GRIN3A: variants seen among roughly 807,000 people sequenced by gnomAD.
GRIN3A encodes the protein glutamate ionotropic receptor NMDA type subunit 3A, also known as glutamate receptor ionotropic, NMDA 3A.
GRIN3A carries 47 observed loss-of-function variants against 92.4 expected under a neutral mutation model. The observed-to-expected ratio is 0.51, with a 90% CI of 0.40 to 0.65. GRIN3A has a LOEUF of 0.65. GRIN3A is among the 30% of genes least tolerant of loss of function. The probability of loss-of-function intolerance (pLI) is 0.00; values close to 1 mark genes in which losing one functional copy is unlikely to be tolerated. For synonymous variants in GRIN3A, 527 were observed against 540.6 expected (o/e 0.97, Z 0.35); for missense variants, 1,324 against 1,393.1 (o/e 0.95, Z 0.79).
At chr9:101,660,076 C>A (rs12351398) in intron 3 of GRIN3A, among the ~76,000 whole-genome samples, 29,134 of 151,552 alleles carry the variant, frequency 0.19, 3,127 homozygotes, top group Non-Finnish European at 0.25. Context: ...TACTGTGTGT[C>A]TGATCCATAT....
chr9:101,704,711 T>C (rs1352492046), intron 1 of GRIN3A, among the ~76,000 whole-genome samples: 2 of 152,218 alleles, frequency 1.3e-5, no homozygotes, highest in Non-Finnish European at 2.9e-5. Context: ...AATTATAGGC[T>C]GATAGAAGTG....
chr9:101,737,460 T>C lies in GRIN3A; in HGVS notation c.520A>G (p.Ser174Gly), dbSNP rs778827283. 2 of 1,614,180 alleles carry C rather than the reference T, an allele frequency of 1.2e-6. No individual in the cohort carries two copies. Among genetic ancestry groups the C allele is most frequent in the Admixed American group, 3.3e-5 (2 of 60,022 alleles). Reference protein sequence around the residue: ...LPFSSPSSPWSSDPFSFLQSV... With the variant: ...LPFSSPSSPWGSDPFSFLQSV... ...TGCAGGAAGGAGAAAGGGTCACTGC[T>C]CCATGGCGAACTAGGGGAGGAGAAG... Residue 174 changes from serine (S) to glycine (G), a missense_variant, in exon 1 of 9, where the codon AGC becomes GGC. Transcript: ENST00000361820.
chr9:101,694,794 G>A (rs748558628), intron 1 of GRIN3A, among the ~76,000 whole-genome samples: 2 of 152,150 alleles, frequency 1.3e-5, no homozygotes, highest in Non-Finnish European at 2.9e-5. Context: ...GTCTGTTCAG[G>A]CAAGATGTTC....
chr9:101,578,350 C>A (rs1827851960), intron 7 of GRIN3A, among the ~76,000 whole-genome samples: 1 of 151,586 alleles, frequency 6.6e-6, no homozygotes, highest in South Asian at 2.1e-4. Flanking sequence ...ATGATAGTAA[C>A]CTATCTAGAA....
At chr9:101,707,576 C>T (rs1459561944) in intron 1 of GRIN3A, among the ~76,000 whole-genome samples, 3 of 152,164 alleles carry the variant, frequency 2.0e-5, no homozygotes, top group African/African-American at 7.2e-5. Flanking sequence ...TAAAGCTAAA[C>T]TATTTTTAAT....
In GRIN3A at chr9:101,570,682, C is replaced by T. The variant is rs969088144; in HGVS notation, c.*2492G>A. The T allele has an allele frequency of 4.6e-5, 7 of 152,618 alleles. No homozygotes were observed. Among genetic ancestry groups the T allele is most frequent in the Non-Finnish European group, 7.3e-5 (5 of 68,052 alleles). The allele number at this position is 152,618 out of a possible 1,614,324, so 9.5% of individuals were successfully genotyped here. A position where few individuals can be genotyped will look rare whatever the true frequency, so the allele number is the denominator to read the frequency against. ...TGTTTGAGGAGCGTGCATTGGTCAT[C>T]TACTTTGTGGATAGGCAGGGCGATC... On this transcript the variant is annotated 3_prime_UTR_variant, in exon 9 of 9. Coordinates refer to ENST00000361820, the MANE Select transcript of GRIN3A (RefSeq NM_133445.3).
intron 1 of GRIN3A, among the ~76,000 whole-genome samples, chr9:101,725,405 A>AG (rs1830072013): frequency 6.6e-6 from 1 of 152,238 alleles, no homozygotes; most frequent in African/African-American, 2.4e-5. Flanking sequence ...TGGGGCTATG[A>AG]GAAATATATG....
intron 3 of GRIN3A, among the ~76,000 whole-genome samples, chr9:101,658,838 T>C (rs1474944951): frequency 6.6e-6 from 1 of 151,684 alleles, no homozygotes; most frequent in African/African-American, 2.4e-5. Flanking sequence ...ATTGAGAAAA[T>C]TGAGTCCTAG....
At chr9:101,687,531 A>G (rs1167839794) in intron 1 of GRIN3A, among the ~76,000 whole-genome samples, 1 of 152,166 alleles carries the variant, frequency 6.6e-6, no homozygotes, top group Non-Finnish European at 1.5e-5. Flanking sequence ...ATGGCTTCCC[A>G]TTTCTTGGTA....
intron 6 of GRIN3A, chr9:101,602,931 T>G (rs1371967534): frequency 6.6e-6 from 1 of 152,176 alleles, no homozygotes; most frequent in Non-Finnish European, 1.5e-5. Flanking sequence ...TACAATTGAC[T>G]ACATGCAAAG....
intron 6 of GRIN3A, among the ~76,000 whole-genome samples, chr9:101,581,360 T>C (rs931808137): frequency 6.6e-6 from 1 of 152,194 alleles, no homozygotes; most frequent in African/African-American, 2.4e-5. Context: ...AGGAAAAGTA[T>C]ACAAGGCATG....
chr9:101,709,877 A>G lies in GRIN3A; in HGVS notation c.700-22677T>C, dbSNP rs1564149818. Reference sequence around the variant, plus strand: ...CACTGCATTTATTCCTTTTTCAGTTATGAAAGACTCAGAGAATGATAGATG... The same window carrying G: ...CACTGCATTTATTCCTTTTTCAGTTGTGAAAGACTCAGAGAATGATAGATG... On this transcript the variant is annotated intron_variant, in intron 1 of 8. Transcript: ENST00000361820. Among the ~76,000 whole-genome samples the G allele has an allele frequency of 2.0e-5, 3 of 152,336 alleles. No homozygotes were observed. In the East Asian group the frequency reaches 5.8e-4, roughly 29 times the overall value.
intron 5 of GRIN3A, among the ~76,000 whole-genome samples, chr9:101,614,521 C>T (rs1055443576): frequency 1.0e-4 from 15 of 150,470 alleles, no homozygotes; most frequent in African/African-American, 3.2e-4. Flanking sequence ...AGATTACTTG[C>T]AGCATGAATT....
chr9:101,632,862 A>C (rs538190570), intron 3 of GRIN3A, among the ~76,000 whole-genome samples: 6 of 152,316 alleles, frequency 3.9e-5, no homozygotes, highest in African/African-American at 1.4e-4. Context: ...TTTGAGCTGC[A>C]TTACAACCAT....
At chr9:101,611,040 G>A (rs1828361092) in intron 6 of GRIN3A, among the ~76,000 whole-genome samples, 1 of 151,214 alleles carries the variant, frequency 6.6e-6, no homozygotes, top group African/African-American at 2.4e-5. Flanking sequence ...GGAGCTTGCA[G>A]TGAGCCTAGA....
intron 5 of GRIN3A, among the ~76,000 whole-genome samples, chr9:101,619,310 A>C (rs1828516517): frequency 6.6e-6 from 1 of 152,186 alleles, no homozygotes; most frequent in Non-Finnish European, 1.5e-5. Context: ...CCAACTATAA[A>C]GGTACTATAA....
intron 1 of GRIN3A, among the ~76,000 whole-genome samples, chr9:101,735,401 C>T (rs1830188900): frequency 6.6e-6 from 1 of 151,364 alleles, no homozygotes; most frequent in Non-Finnish European, 1.5e-5. Flanking sequence ...TTTATCCACC[C>T]CCCACCCCGG....
intron 6 of GRIN3A, among the ~76,000 whole-genome samples, chr9:101,587,909 G>T (rs368642836): frequency 3.3e-4 from 50 of 152,254 alleles, no homozygotes; most frequent in African/African-American, 1.2e-3. Context: ...TGAAGACCTG[G>T]TATCTATTTT....
intron 1 of GRIN3A, among the ~76,000 whole-genome samples, chr9:101,698,772 G>A (rs34360878): frequency 0.17 from 25,701 of 152,044 alleles, 2,776 homozygotes; most frequent in Non-Finnish European, 0.24. Context: ...GGGTTCAAGC[G>A]ATTCTTCTGC....
Sources: gnomAD v4.1 joint callset for allele counts (sites outside exome capture counted in the v4.1 genomes callset) on GRCh38, gnomAD v4.1.1 for gene constraint, MANE v1.5 for transcripts, NCBI Gene and HGNC (gene_info 2026-07-23, HGNC 2026-07-21) for gene names.